The following SLC9A8 variants were observed in gnomAD, a reference collection of about 807,000 sequenced individuals.
SLC9A8 encodes sodium/hydrogen exchanger 8.
In SLC9A8, 48 loss-of-function variants were observed where a neutral mutation model predicts 66.6. That is an observed-to-expected ratio of 0.72 (90% CI 0.57 to 0.92). SLC9A8 has a LOEUF of 0.92. SLC9A8 is among the 40% of genes least tolerant of loss of function. The pLI, the probability that SLC9A8 is intolerant of heterozygous loss-of-function variation, is 0.00. For missense variants in SLC9A8, 599 were observed against 747.3 expected, an observed-to-expected ratio of 0.80 and a Z score of 2.31; for synonymous variants, 274 against 282.6, an observed-to-expected ratio of 0.97 and a Z score of 0.31.
At position 49,892,122 on chromosome 20, in the gene SLC9A8, C is replaced by G. The variant is rs2090058478; in HGVS notation, c.*4186C>G. The G allele has an allele frequency of 1.3e-5, 2 of 152,208 alleles. No individual in the cohort carries two copies. The highest frequency in any genetic ancestry group is 2.9e-5 in the Non-Finnish European group (2 of 68,068). 9.4% of individuals were successfully genotyped at this position (152,208 alleles called of 1,614,324 possible). ...CGGGTCAGAGATGGGGGACCTGTGGCTGCCATGCAGGAGCCCCTGCGTCAT... is the reference window on the plus strand; with the variant it reads ...CGGGTCAGAGATGGGGGACCTGTGGGTGCCATGCAGGAGCCCCTGCGTCAT... On this transcript the variant is annotated 3_prime_UTR_variant, in exon 16 of 16. Transcript: ENST00000361573.
At chr20:49,883,282 A>G (rs2089699178) in intron 13 of SLC9A8, among the ~76,000 whole-genome samples, 1 of 152,004 alleles carries the variant, frequency 6.6e-6, no homozygotes, top group African/African-American at 2.4e-5. Flanking sequence ...CATCAGTGCC[A>G]CCAGGGGCCT....
chr20:49,866,485 A>G (rs764527881), intron 10 of SLC9A8, among the ~76,000 whole-genome samples: 23 of 152,224 alleles, frequency 1.5e-4, no homozygotes, highest in Non-Finnish European at 2.6e-4. Context: ...CTCAGAATGT[A>G]TGAGAGAGTG....
chr20:49,823,041 T>A lies in SLC9A8; in HGVS notation c.209-20T>A, dbSNP rs764397923. 1.3e-6 allele frequency: 2 copies of A among 1,585,236 alleles called. No individual in the cohort carries two copies. Among genetic ancestry groups the A allele is most frequent in the East Asian group, 4.5e-5 (2 of 44,670 alleles). Reference sequence around the variant, plus strand: ...ATTGAGTGTTTTTTTTAAAACATTGTATTATTTTTTTTTCCACAGCTATCT... The same window carrying A: ...ATTGAGTGTTTTTTTTAAAACATTGAATTATTTTTTTTTCCACAGCTATCT... On this transcript the variant is annotated intron_variant, in intron 2 of 15. Transcript: ENST00000361573.
At position 49,884,301 on chromosome 20, in the gene SLC9A8, C is replaced by CG. The variant is rs1568884392; in HGVS notation, c.1491+235_1491+236insG. On this transcript the variant is annotated intron_variant, in intron 14 of 15. Coordinates refer to ENST00000361573, the MANE Select transcript of SLC9A8 (RefSeq NM_015266.3). ...CACACACACACACGACACACACACA[C>CG]ACACACACACACACACACACACACA... 19 of 376,246 alleles carry CG rather than the reference C, an allele frequency of 5.0e-5. 1 individual carries two copies. The highest frequency in any genetic ancestry group is 1.3e-4 in the African/African-American group (5 of 39,982). 23.3% of individuals were successfully genotyped at this position (376,246 alleles called of 1,614,324 possible). A position where few individuals can be genotyped will look rare whatever the true frequency, so the allele number is the denominator to read the frequency against.
intron 10 of SLC9A8, 138 bp downstream of exon 10, chr20:49,864,982 A>G: frequency 4.7e-6 from 3 of 635,512 alleles, no homozygotes; most frequent in Non-Finnish European, 5.6e-6. Context: ...AAGGAAATCT[A>G]TTGGTTCCCT....
chr20:49,840,662 AG>A (rs1600696670), intron 4 of SLC9A8, among the ~76,000 whole-genome samples: 1 of 152,184 alleles, frequency 6.6e-6, no homozygotes, highest in East Asian at 1.9e-4. Flanking sequence ...GCCCCACTGG[AG>A]CGCATTGCAT....
Position 49,812,917 on chromosome 20 carries a change from C to A in SLC9A8, c.-6C>A, listed in dbSNP as rs1462920717. The A allele has an allele frequency of 2.7e-6, 4 of 1,485,512 alleles. No homozygotes were observed. In the African/African-American group the frequency reaches 5.9e-5, roughly 22 times the overall value. 92.0% of individuals were successfully genotyped at this position (1,485,512 alleles called of 1,614,324 possible). A position where few individuals can be genotyped will look rare whatever the true frequency, so the allele number is the denominator to read the frequency against. On this transcript the variant is annotated 5_prime_UTR_variant, in exon 1 of 16. Coordinates refer to ENST00000361573, the MANE Select transcript of SLC9A8 (RefSeq NM_015266.3). ...CCGAACTCGGTGGTCCTGGAAGCTC[C>A]GCAGGATGGGGGAGAAGATGGCGGA...
chr20:49,815,276 C>G, intron 2 of SLC9A8, 87 bp downstream of exon 2: 3 of 1,154,090 alleles, frequency 2.6e-6, no homozygotes, highest in Non-Finnish European at 3.5e-6. Flanking sequence ...CTCCTCTTGA[C>G]TGTCAAGTCT....
intron 15 of SLC9A8, 130 bp downstream of exon 15, chr20:49,887,028 G>A (rs76161485): frequency 0.065 from 64,837 of 997,032 alleles, 2,286 homozygotes; most frequent in Middle Eastern, 0.088. Flanking sequence ...CCAGGCCGCC[G>A]CCTCCCGATC....
At chr20:49,867,677 A>G (rs1218084489) in intron 10 of SLC9A8, among the ~76,000 whole-genome samples, 2 of 152,210 alleles carry the variant, frequency 1.3e-5, no homozygotes, top group African/African-American at 2.4e-5. Flanking sequence ...GGCCTAGGGA[A>G]AGAGTGGCCA....
intron 3 of SLC9A8, among the ~76,000 whole-genome samples, chr20:49,839,149 C>T (rs1378325010): frequency 6.6e-6 from 1 of 152,114 alleles, no homozygotes; most frequent in African/African-American, 2.4e-5. Context: ...AGAAAGTGAT[C>T]ATGGATTCTT....
chr20:49,857,460 G>A (rs2088543844), intron 8 of SLC9A8, among the ~76,000 whole-genome samples: 1 of 152,262 alleles, frequency 6.6e-6, no homozygotes, highest in African/African-American at 2.4e-5. Context: ...GCTCACGCCT[G>A]TAATCCCATC....
chr20:49,847,377 C>A (rs988942983), intron 5 of SLC9A8, among the ~76,000 whole-genome samples: 1 of 119,138 alleles, frequency 8.4e-6, no homozygotes, highest in African/African-American at 3.1e-5. Context: ...TAAAGTTTTT[C>A]TTTTCTTTTT....
intron 8 of SLC9A8, among the ~76,000 whole-genome samples, chr20:49,857,303 A>G (rs904430858): frequency 6.6e-6 from 1 of 152,276 alleles, no homozygotes; most frequent in Non-Finnish European, 1.5e-5. Flanking sequence ...TTGCTAAAGC[A>G]TAACCACTCT....
chr20:49,886,974 G>T lies in SLC9A8; in HGVS notation c.1638+76G>T. 6.6e-7 allele frequency: 1 copy of T among 1,505,312 alleles called. No homozygotes were observed. The highest frequency in any genetic ancestry group is 9.0e-7 in the Non-Finnish European group (1 of 1,112,152). The allele number at this position is 1,505,312 out of a possible 1,614,324, so 93.2% of individuals were successfully genotyped here. A position where few individuals can be genotyped will look rare whatever the true frequency, so the allele number is the denominator to read the frequency against. ...TCAGGACCTGCGGTGGCCCAGGGTG[G>T]GGTGGAGGAAGAGTGGGGAGGCAGG... On this transcript the variant is annotated intron_variant, in intron 15 of 15. Transcript: ENST00000361573. The surrounding 1 kb of genome is among the most constrained non-coding windows in gnomAD (Gnocchi z 4.8).
chr20:49,875,594 C>G (rs1423363440), intron 11 of SLC9A8, among the ~76,000 whole-genome samples: 1 of 152,164 alleles, frequency 6.6e-6, no homozygotes, highest in Non-Finnish European at 1.5e-5. Flanking sequence ...CACGCTCCGA[C>G]ATACCCATGT....
chr20:49,849,789 T>A, intron 6 of SLC9A8, 109 bp downstream of exon 6: 1 of 826,242 alleles, frequency 1.2e-6, no homozygotes, highest in Non-Finnish European at 2.0e-6. Flanking sequence ...GTTTCACCCT[T>A]AAGGTAAATT....
At chr20:49,880,845 T>C (rs780377476) in intron 12 of SLC9A8, 79 bp from the exon 13 acceptor site, 62 of 912,142 alleles carry the variant, frequency 6.8e-5, no homozygotes, top group Non-Finnish European at 2.6e-5. Context: ...TTACACAGTC[T>C]GCATTAGCTT....
At chr20:49,882,332 C>T (rs1040626361) in intron 13 of SLC9A8, among the ~76,000 whole-genome samples, 11 of 152,212 alleles carry the variant, frequency 7.2e-5, no homozygotes, top group Admixed American at 5.9e-4. Context: ...GGGAGGCGTC[C>T]GCCCCCGTCC....
Sources: allele counts gnomAD v4.1 joint callset (sites outside exome capture counted in the v4.1 genomes callset), GRCh38; gene constraint gnomAD v4.1.1; non-coding constraint Gnocchi (gnomAD v3.1); transcripts MANE v1.5; gene names NCBI Gene and HGNC (gene_info 2026-07-23, HGNC 2026-07-21).